DCTN1: variants seen among roughly 807,000 people sequenced by gnomAD.
DCTN1 encodes 150 kDa dynein-associated polypeptide.
DCTN1 carries 61 observed loss-of-function variants against 161.2 expected under a neutral mutation model. The ratio of observed to expected loss-of-function variants is 0.38; its 90% CI spans 0.31 to 0.47. The LOEUF is 0.47. Ranked by LOEUF, DCTN1 falls within the 20% of genes least tolerant of loss-of-function variation. The pLI is 0.99. For synonymous variants in DCTN1, 653 were observed against 632.4 expected (o/e 1.03, Z -0.49); for missense variants, 1,404 against 1,623.7 (o/e 0.86, Z 2.33).
chr2:74,363,222 C>T (rs890999404), intron 28 of DCTN1, 45 bp from the exon 29 acceptor site: 1 of 1,614,080 alleles, frequency 6.2e-7, no homozygotes, highest in South Asian at 1.1e-5. Flanking sequence ...TGCTAGGAGG[C>T]CCCTGTCATC....
chr2:74,384,623 A>C (rs116553851), upstream of DCTN1, among the ~76,000 whole-genome samples: 1,169 of 152,340 alleles, frequency 7.7e-3, 15 homozygotes, highest in African/African-American at 0.024. Flanking sequence ...GGAGAATGAA[A>C]AAGGAGAAAG....
chr2:74,364,587 C>T (rs1374781819), intron 26 of DCTN1: 1 of 249,954 alleles, frequency 4.0e-6, no homozygotes, highest in Non-Finnish European at 7.8e-6. Context: ...AAAACACAAG[C>T]CCCAAGTGAA....
rs201348349 is a variant in DCTN1 at position 74,368,880 on chromosome 2, C to T, written c.1702G>A (p.Ala568Thr). The T allele has an allele frequency of 3.1e-6, 5 of 1,614,140 alleles. No homozygotes were observed. In the African/African-American group the frequency reaches 4.0e-5, roughly 13 times the overall value. ...KFAETKAHAK[A>T]IEMELRQMEV... ...ATCTGCCTCAATTCCATCTCAATTG[C>T]CTGTGAGGTGAACAGGGAGGAGGAC... Residue 568 changes from alanine (A) to threonine (T), a missense_variant and splice_region_variant, in exon 16 of 32, where the codon GCA becomes ACA. Ala to Thr is a moderately conservative substitution (Grantham distance 58, BLOSUM62 0). Coordinates refer to ENST00000628224, the MANE Select transcript of DCTN1 (RefSeq NM_004082.5).
At chr2:74,378,474 TA>T (rs1175330659) in intron 1 of DCTN1, among the ~76,000 whole-genome samples, 3 of 152,258 alleles carry the variant, frequency 2.0e-5, no homozygotes, top group African/African-American at 7.2e-5. Context: ...TTTTTAAGTT[TA>T]TATTTTTTAT....
Position 74,367,039 on chromosome 2 carries a change from T to C in DCTN1, c.2316+6A>G, listed in dbSNP as rs1365186999. The C allele has an allele frequency of 1.9e-6, 3 of 1,614,034 alleles. No homozygotes were observed. The African/African-American group carries it at 4.0e-5, about 22-fold the overall frequency. On this transcript the variant is annotated splice_donor_region_variant and intron_variant, in intron 20 of 31. Coordinates refer to ENST00000628224, the MANE Select transcript of DCTN1 (RefSeq NM_004082.5). ...GGAGCTCACACAGATCTAGATGTGT[T>C]CTCACCTGCAAGAAGGCACGCAGCC...
chr2:74,366,603 T>C lies in DCTN1; in HGVS notation c.2484A>G (p.Leu828=). Residue 828 remains leucine, a synonymous_variant, in exon 22 of 32, where the codon CTA becomes CTG. Coordinates refer to ENST00000628224, the MANE Select transcript of DCTN1 (RefSeq NM_004082.5). ...AFGPQVSDTL[L]DCRKHLTWVV... ...CCCACGTCAAGTGTTTCCTGCAGTC[T>C]AGGAGCGTGTCAGATACCTGTGTGC... is the stretch of plus-strand genomic sequence containing the variant. The C allele has an allele frequency of 1.9e-6, 3 of 1,612,506 alleles. No homozygotes were observed. Among genetic ancestry groups the C allele is most frequent in the Non-Finnish European group, 2.5e-6 (3 of 1,180,026 alleles).
At chr2:74,377,799 C>T in intron 2 of DCTN1, 73 bp from the exon 3 acceptor site, 1 of 1,511,286 alleles carries the variant, frequency 6.6e-7, no homozygotes, top group South Asian at 1.1e-5. Flanking sequence ...TAATATGGGC[C>T]CCTCCCCAGG....
In DCTN1 at chr2:74,366,540, G is replaced by A. The variant is rs759266125; in HGVS notation, c.2547C>T (p.Ala849=). 2 of 1,614,014 alleles carry A rather than the reference G, an allele frequency of 1.2e-6. No individual in the cohort carries two copies. The highest frequency in any genetic ancestry group is 1.1e-5 in the South Asian group (1 of 91,086). The change falls in exon 22 of 32, where the codon GCC becomes GCT. Residue 849 remains alanine (A), a synonymous_variant. Coordinates refer to ENST00000628224, the MANE Select transcript of DCTN1 (RefSeq NM_004082.5). ...TCTCTGCCAGTGGGGCAATGAGCTG[G>A]GCAGCAGCAGCTGCCACCTCCTGCA... ...AVLQEVAAAA[A]QLIAPLAENE... is the part of the protein sequence containing the mutation.
intron 4 of DCTN1, 141 bp from the exon 5 acceptor site, chr2:74,376,903 C>T (rs769534552): frequency 7.8e-6 from 6 of 767,564 alleles, no homozygotes; most frequent in Non-Finnish European, 1.4e-5. Flanking sequence ...GATCAGCTTC[C>T]AGGATGTTCA....
At position 74,391,797 on chromosome 2, in the gene DCTN1, C is replaced by T. The variant is rs1352107423; in HGVS notation, c.-22G>A. ...TGGCAGAGTCGCGCCTCCGTACCTG[C>T]ACTGTGAGGGGCTCCGCGCCCAGCT... On this transcript the variant is annotated 5_prime_UTR_variant, in exon 1 of 28. Coordinates refer to the DCTN1 transcript ENST00000409240. 1.1e-5 allele frequency: 5 copies of T among 453,830 alleles called. No individual in the cohort carries two copies. In the Admixed American group the frequency reaches 1.2e-4, roughly 11 times the overall value. 28.1% of individuals were successfully genotyped at this position (453,830 alleles called of 1,614,324 possible). A position where few individuals can be genotyped will look rare whatever the true frequency, so the allele number is the denominator to read the frequency against.
chr2:74,365,355 G>T, intron 25 of DCTN1, 114 bp from the exon 26 acceptor site: 1 of 1,556,062 alleles, frequency 6.4e-7, no homozygotes. Flanking sequence ...GGGCAGAGCA[G>T]CACAGGCTTA....
chr2:74,374,346 T>A lies in DCTN1; in HGVS notation c.415-6A>T. The stretch of plus-strand genomic sequence containing the variant: ...ACCTTTCGGGCTGTCGGTGCCTGTC[T>A]CATCATTGCAGAAAACCAAAGAAAG... On this transcript the variant is annotated splice_polypyrimidine_tract_variant and splice_region_variant and intron_variant, in intron 5 of 31. Coordinates refer to ENST00000628224, the MANE Select transcript of DCTN1 (RefSeq NM_004082.5). 6.2e-7 allele frequency: 1 copy of A among 1,613,062 alleles called. No individual in the cohort carries two copies. Among genetic ancestry groups the A allele is most frequent in the Non-Finnish European group, 8.5e-7 (1 of 1,179,566 alleles).
intron 5 of DCTN1, 85 bp from the exon 6 acceptor site, chr2:74,374,425 G>A (rs1675096024): frequency 6.3e-7 from 1 of 1,599,542 alleles, no homozygotes; most frequent in Non-Finnish European, 8.5e-7. Context: ...ACGGAGGAAG[G>A]ACAGACGAAG....
chr2:74,372,661 G>A (rs535814879), intron 7 of DCTN1, among the ~76,000 whole-genome samples: 35 of 152,316 alleles, frequency 2.3e-4, no homozygotes, highest in African/African-American at 8.4e-4. Context: ...CCTTGTTCAA[G>A]AAAGCCTGCT....
chr2:74,361,692 G>A, intron 31 of DCTN1, 56 bp from the exon 32 acceptor site: 1 of 1,612,230 alleles, frequency 6.2e-7, no homozygotes, highest in Middle Eastern at 1.7e-4. Context: ...TGAGCTGTGG[G>A]CCACTGAAGG....
In DCTN1 at chr2:74,380,227, C is replaced by A; in HGVS notation, c.-190G>T. On this transcript the variant is annotated 5_prime_UTR_variant, in exon 1 of 32. Transcript: ENST00000628224. Reference sequence around the variant, plus strand: ...GTAGGGGTGGGGGCAGTGATGGGGGCTGAGGAGCAAGTCCCCTCTGCTGCC... The same window carrying A: ...GTAGGGGTGGGGGCAGTGATGGGGGATGAGGAGCAAGTCCCCTCTGCTGCC... 1 of 670,446 alleles carries A rather than the reference C, an allele frequency of 1.5e-6. No homozygotes were observed. Among genetic ancestry groups the A allele is most frequent in the Admixed American group, 2.1e-5 (1 of 46,526 alleles). 41.5% of individuals were successfully genotyped at this position (670,446 alleles called of 1,614,324 possible). A position where few individuals can be genotyped will look rare whatever the true frequency, so the allele number is the denominator to read the frequency against.
At chr2:74,390,661 C>A (rs1434573629) in intron 1 of DCTN1, 3 of 463,516 alleles carry the variant, frequency 6.5e-6, no homozygotes, top group African/African-American at 4.0e-5. Flanking sequence ...AACTTTCAAT[C>A]CAGTGATCTA....
intron 4 of DCTN1, 112 bp downstream of exon 4, chr2:74,377,320 A>T: frequency 1.1e-6 from 1 of 927,642 alleles, no homozygotes; most frequent in Non-Finnish European, 1.8e-6. Flanking sequence ...TGGAGAGACT[A>T]GAAGGCAAAT....
rs1674741348 is a variant in DCTN1 at position 74,370,303 on chromosome 2, C to T, written c.1170G>A (p.Lys390=). 1 of 1,613,982 alleles carries T rather than the reference C, an allele frequency of 6.2e-7. No individual in the cohort carries two copies. Among genetic ancestry groups the T allele is most frequent in the South Asian group, 1.1e-5 (1 of 91,088 alleles). Residue 390 remains lysine, a synonymous_variant, in exon 12 of 32, where the codon AAG becomes AAA. Transcript: ENST00000628224. The surrounding 1 kb of genome is among the most constrained non-coding windows in gnomAD (Gnocchi z 4.4). The part of the protein sequence containing the change: ...LSSSEKQEHV[K]LQKLMEKKNQ... ...TCTTCTTTTCCATGAGCTTCTGGAG[C>T]TTCACATGCTCCTGCTTCTCTGAGG...
Sources: allele counts gnomAD v4.1 joint callset (sites outside exome capture counted in the v4.1 genomes callset), GRCh38; gene constraint gnomAD v4.1.1; non-coding constraint Gnocchi (gnomAD v3.1); transcripts MANE v1.5; gene names NCBI Gene and HGNC (gene_info 2026-07-23, HGNC 2026-07-21).